PABPC4L: variants seen among roughly 807,000 people sequenced by gnomAD.
PABPC4L encodes polyadenylate-binding protein 4-like.
For missense variants in PABPC4L, 452 were observed against 451.4 expected (o/e 1.00, Z -0.01); for synonymous variants, 169 against 164.1 (o/e 1.03, Z -0.23).
the PABPC4L span, among the ~76,000 whole-genome samples, chr4:133,997,237 C>T: frequency 6.6e-6 from 1 of 152,022 alleles, no homozygotes; most frequent in Non-Finnish European, 1.5e-5. Context: ...AAATCAAAAG[C>T]CAGAAATGAT....
chr4:134,098,254 A>C, the PABPC4L span, among the ~76,000 whole-genome samples: 1 of 151,724 alleles, frequency 6.6e-6, no homozygotes, highest in African/African-American at 2.4e-5. Flanking sequence ...AATATAGTGT[A>C]ATATTTATTA....
At chr4:133,983,062 C>T in the PABPC4L span, among the ~76,000 whole-genome samples, 1 of 151,914 alleles carries the variant, frequency 6.6e-6, no homozygotes, top group Non-Finnish European at 1.5e-5. Context: ...AAATGCTTTC[C>T]TGTTTCAAGT....
chr4:133,959,987 A>G, the PABPC4L span, among the ~76,000 whole-genome samples: 1 of 152,224 alleles, frequency 6.6e-6, no homozygotes, highest in African/African-American at 2.4e-5. Context: ...ATATGTGTTT[A>G]TCAAACTACC....
At chr4:134,010,037 C>T in the PABPC4L span, among the ~76,000 whole-genome samples, 1 of 151,932 alleles carries the variant, frequency 6.6e-6, no homozygotes, top group Non-Finnish European at 1.5e-5. Context: ...GAAATATGAT[C>T]AAGGGCAATT....
chr4:134,052,200 T>G, the PABPC4L span, among the ~76,000 whole-genome samples: 4 of 152,118 alleles, frequency 2.6e-5, no homozygotes, highest in South Asian at 6.2e-4. Context: ...TCAAAGTAGG[T>G]TGTTCATTGC....
At chr4:134,076,881 T>G in the PABPC4L span, among the ~76,000 whole-genome samples, 1 of 152,174 alleles carries the variant, frequency 6.6e-6, no homozygotes, top group Non-Finnish European at 1.5e-5. Flanking sequence ...CATGATGTCA[T>G]CATCCAGATG....
chr4:134,063,870 A>T, the PABPC4L span, among the ~76,000 whole-genome samples: 1 of 151,996 alleles, frequency 6.6e-6, no homozygotes, highest in Non-Finnish European at 1.5e-5. Context: ...TTCTCTGACA[A>T]TCTTTTCCTT....
chr4:134,028,550 GT>G, the PABPC4L span, among the ~76,000 whole-genome samples: 1 of 151,426 alleles, frequency 6.6e-6, no homozygotes, highest in Non-Finnish European at 1.5e-5. Context: ...CAACTTCACT[GT>G]TAATAGGCCT....
the PABPC4L span, among the ~76,000 whole-genome samples, chr4:133,990,162 A>C: frequency 3.9e-4 from 60 of 152,144 alleles, no homozygotes; most frequent in Non-Finnish European, 6.3e-4. Flanking sequence ...ATTGCACATC[A>C]CAAACATTGA....
At chr4:134,166,847 A>G in the PABPC4L span, among the ~76,000 whole-genome samples, 1 of 151,978 alleles carries the variant, frequency 6.6e-6, no homozygotes, top group Non-Finnish European at 1.5e-5. Context: ...CCCTTCATTC[A>G]CTGACATGGC....
At chr4:134,007,151 T>C in the PABPC4L span, among the ~76,000 whole-genome samples, 1 of 151,782 alleles carries the variant, frequency 6.6e-6, no homozygotes, top group East Asian at 1.9e-4. Context: ...TCTGAGAACA[T>C]TATATGGAAT....
chr4:134,042,179 GGAATT>G, the PABPC4L span, among the ~76,000 whole-genome samples: 1 of 152,150 alleles, frequency 6.6e-6, no homozygotes, highest in South Asian at 2.1e-4. Context: ...TAGTAACTCA[GGAATT>G]GAAACCAGCT....
chr4:133,961,353 G>A, the PABPC4L span, among the ~76,000 whole-genome samples: 1 of 149,074 alleles, frequency 6.7e-6, no homozygotes, highest in Non-Finnish European at 1.5e-5. Context: ...GACAGGACTA[G>A]CTGGATTTCC....
At chr4:134,060,247 A>G in the PABPC4L span, among the ~76,000 whole-genome samples, 1 of 151,942 alleles carries the variant, frequency 6.6e-6, no homozygotes, top group Non-Finnish European at 1.5e-5. Flanking sequence ...GGTACTACAT[A>G]AACTAGAAAG....
At chr4:134,067,173 C>T in the PABPC4L span, among the ~76,000 whole-genome samples, 40 of 151,984 alleles carry the variant, frequency 2.6e-4, no homozygotes, top group African/African-American at 8.9e-4. Flanking sequence ...GAACTTTTGC[C>T]GGTTGGTAGG....
chr4:134,132,423 A>G, the PABPC4L span, among the ~76,000 whole-genome samples: 2 of 152,050 alleles, frequency 1.3e-5, no homozygotes, highest in African/African-American at 4.8e-5. Flanking sequence ...GAAAATTTTC[A>G]AAAGAAGATG....
the PABPC4L span, among the ~76,000 whole-genome samples, chr4:134,118,707 T>C: frequency 6.6e-6 from 1 of 151,804 alleles, no homozygotes; most frequent in African/African-American, 2.4e-5. Context: ...AGATTTCTCT[T>C]TTTTTCTTTA....
At chr4:134,146,411 C>T in the PABPC4L span, among the ~76,000 whole-genome samples, 1 of 151,868 alleles carries the variant, frequency 6.6e-6, no homozygotes, top group Non-Finnish European at 1.5e-5. Context: ...AATGATATGG[C>T]TTTTTCACTC....
At chr4:134,149,411 C>T in the PABPC4L span, among the ~76,000 whole-genome samples, 1 of 152,118 alleles carries the variant, frequency 6.6e-6, no homozygotes, top group African/African-American at 2.4e-5. Context: ...GTGTCTAGCA[C>T]ATTGATTTAT....
Sources: gnomAD v4.1 joint callset for allele counts (sites outside exome capture counted in the v4.1 genomes callset) on GRCh38, gnomAD v4.1.1 for gene constraint, MANE v1.5 for transcripts, NCBI Gene and HGNC (gene_info 2026-07-23, HGNC 2026-07-21) for gene names.